Variants in NPHP4 observed in about 807,000 individuals in gnomAD.
NPHP4 encodes the protein nephrocystin 4.
In NPHP4, 151 loss-of-function variants were observed where a neutral mutation model predicts 155.8. That is an observed-to-expected ratio of 0.97 (90% CI 0.85 to 1.11). The LOEUF is 1.11. Among genes scored for constraint, NPHP4 ranks in the 50% least tolerant of loss-of-function variants. The pLI, the probability that NPHP4 is intolerant of heterozygous loss-of-function variation, is 0.00. For synonymous variants in NPHP4, 845 were observed against 816.8 expected, an observed-to-expected ratio of 1.03 and a Z score of -0.59; for missense variants, 1,956 against 1,925.7, an observed-to-expected ratio of 1.02 and a Z score of -0.29.
chr1:5,924,912 T>C (rs1399685429), intron 11 of NPHP4, among the ~76,000 whole-genome samples: 2 of 152,174 alleles, frequency 1.3e-5, no homozygotes, highest in Non-Finnish European at 2.9e-5. Flanking sequence ...TGCCTCAGCC[T>C]TCTAAAGTGC....
intron 6 of NPHP4, 76 bp from the exon 7 acceptor site, chr1:5,952,912 C>T: frequency 7.1e-7 from 1 of 1,415,440 alleles, no homozygotes; most frequent in Non-Finnish European, 9.5e-7. Context: ...GGTCCCTACC[C>T]ACCCCAGCCT....
chr1:5,923,390 AG>A (rs1193131468), intron 11 of NPHP4, among the ~76,000 whole-genome samples: 1 of 152,238 alleles, frequency 6.6e-6, no homozygotes, highest in Non-Finnish European at 1.5e-5. Flanking sequence ...AGAAGAGGGA[AG>A]GCCTACCCTG....
intron 16 of NPHP4, among the ~76,000 whole-genome samples, chr1:5,904,105 T>C (rs995434242): frequency 1.3e-5 from 2 of 152,138 alleles, no homozygotes; most frequent in Non-Finnish European, 2.9e-5. Context: ...TGTGGCTTCT[T>C]CAATAAATAC....
chr1:5,897,393 C>T (rs981604028), intron 16 of NPHP4, among the ~76,000 whole-genome samples: 3 of 152,124 alleles, frequency 2.0e-5, no homozygotes, highest in Non-Finnish European at 4.4e-5. Context: ...ACCAAGCAAC[C>T]GAATCAGCGT....
chr1:5,986,194 C>T lies in NPHP4; in HGVS notation c.96G>A (p.Gln32=), dbSNP rs776102193. 3 of 1,613,960 alleles carry T rather than the reference C, an allele frequency of 1.9e-6. No homozygotes were observed. The highest frequency in any genetic ancestry group is 2.5e-6 in the Non-Finnish European group (3 of 1,179,868). The change falls in exon 2 of 30, where the codon CAG becomes CAA. Residue 32 remains glutamine, a synonymous_variant. Coordinates refer to ENST00000378156, the MANE Select transcript of NPHP4 (RefSeq NM_015102.5). ...RQPWKESTAF[Q]CVLKWLDGPV... Reference sequence around the variant, plus strand: ...GTCCGTCCAGCCACTTGAGGACACACTGGAATGCCGTGGATTCCTTCCAAG... The same window carrying T: ...GTCCGTCCAGCCACTTGAGGACACATTGGAATGCCGTGGATTCCTTCCAAG...
At position 5,874,998 on chromosome 1, in the gene NPHP4, C is replaced by G. The variant is rs768694389; in HGVS notation, c.2920G>C (p.Ala974Pro). The change falls in exon 21 of 30, where the codon GCC becomes CCC. Residue 974 changes from alanine (A) to proline (P), a missense_variant. Coordinates refer to ENST00000378156, the MANE Select transcript of NPHP4 (RefSeq NM_015102.5). ...TGGAGCGTGTGCTCCGTGGTGATGG[C>G]CAGGCTCAGCAGGCTGGCGATGCTC... The part of the protein sequence containing the change: ...AESIASLLSL[A>P]ITTEHTLHAT... 8 of 1,612,134 alleles carry G rather than the reference C, an allele frequency of 5.0e-6. No homozygotes were observed. In the African/African-American group the frequency reaches 1.1e-4, roughly 22 times the overall value.
intron 9 of NPHP4, among the ~76,000 whole-genome samples, chr1:5,933,553 G>A (rs1362888438): frequency 1.3e-5 from 2 of 152,126 alleles, no homozygotes; most frequent in African/African-American, 2.4e-5. Flanking sequence ...TGACCCCACC[G>A]ACCCAGTCAG....
intron 29 of NPHP4, 112 bp from the exon 30 acceptor site, chr1:5,863,517 G>C: frequency 7.4e-7 from 1 of 1,357,726 alleles, no homozygotes; most frequent in African/African-American, 1.4e-5. Flanking sequence ...CAAGGCAGGG[G>C]AGCCCTGCGG....
chr1:5,879,908 C>T (rs1643082463), intron 19 of NPHP4, among the ~76,000 whole-genome samples: 1 of 151,468 alleles, frequency 6.6e-6, no homozygotes, highest in Non-Finnish European at 1.5e-5. Flanking sequence ...CACATGCAGC[C>T]TTCCACCTCT....
At chr1:5,967,629 T>C (rs1651775774) in intron 4 of NPHP4, among the ~76,000 whole-genome samples, 1 of 152,182 alleles carries the variant, frequency 6.6e-6, no homozygotes, top group South Asian at 2.1e-4. Flanking sequence ...CATGGAAATT[T>C]ACAAAACTCT....
chr1:5,949,527 G>T (rs1372152274), intron 7 of NPHP4, among the ~76,000 whole-genome samples: 1 of 152,044 alleles, frequency 6.6e-6, no homozygotes, highest in Non-Finnish European at 1.5e-5. Flanking sequence ...CACCACAGGA[G>T]ACCGACAATA....
chr1:5,876,934 T>C (rs911009466), intron 20 of NPHP4, 159 bp downstream of exon 20: 2 of 465,122 alleles, frequency 4.3e-6, no homozygotes, highest in Non-Finnish European at 7.3e-6. Flanking sequence ...CACTTAAAGA[T>C]TTCCCCCGGT....
At position 5,979,181 on chromosome 1, in the gene NPHP4, C is replaced by A. The variant is rs1298110756; in HGVS notation, c.136-768G>T. Among the ~76,000 whole-genome samples, 10 of 152,364 alleles carry A rather than the reference C, an allele frequency of 6.6e-5. No individual in the cohort carries two copies. The East Asian group carries it at 1.5e-3, about 23-fold the overall frequency. ...ACAAGAGTCCTCCACCTTTCTTTCACCTATTCACTTAGTAAACGTTACTTA... is the reference window on the plus strand; with the variant it reads ...ACAAGAGTCCTCCACCTTTCTTTCAACTATTCACTTAGTAAACGTTACTTA... On this transcript the variant is annotated intron_variant, in intron 2 of 29. Transcript: ENST00000378156.
rs1338643175 is a variant in NPHP4, at chr1:5,948,121, A to T, written c.941T>A (p.Leu314Ter). 6.2e-7 allele frequency: 1 copy of T among 1,613,908 alleles called. No homozygotes were observed. Among genetic ancestry groups the T allele is most frequent in the Non-Finnish European group, 8.5e-7 (1 of 1,179,874 alleles). ...CCTGCTGAAGCTAGCTGAGCGCGTC[A>T]AGGCCACATCCATCTCAGGCACCAG... ...VVLVPEMDVA[L>*]TRSASFSRKV... Residue 314 changes from leucine to a stop codon, truncating the protein, a stop_gained, in exon 8 of 30, where the codon TTG becomes TAG. Coordinates refer to ENST00000378156, the MANE Select transcript of NPHP4 (RefSeq NM_015102.5). LOFTEE classifies it high-confidence loss of function.
At chr1:5,887,552 C>A in intron 17 of NPHP4, 86 bp from the exon 18 acceptor site, 2 of 1,449,302 alleles carry the variant, frequency 1.4e-6, no homozygotes, top group Non-Finnish European at 1.9e-6. Flanking sequence ...GCTCCCCAGC[C>A]CAGCAGGAAA....
chr1:5,976,816 C>T (rs1270594031), intron 3 of NPHP4, among the ~76,000 whole-genome samples: 1 of 152,184 alleles, frequency 6.6e-6, no homozygotes, highest in Non-Finnish European at 1.5e-5. Flanking sequence ...AATCCAAGCG[C>T]TGGGTGATGG....
At chr1:5,931,324 A>T (rs1374306372) in intron 10 of NPHP4, among the ~76,000 whole-genome samples, 1 of 151,566 alleles carries the variant, frequency 6.6e-6, no homozygotes, top group African/African-American at 2.4e-5. Context: ...AAGTCACTGA[A>T]TTTTTTGGTT....
At chr1:5,915,862 T>C (rs564127174) in intron 11 of NPHP4, among the ~76,000 whole-genome samples, 11 of 152,262 alleles carry the variant, frequency 7.2e-5, no homozygotes, top group African/African-American at 2.6e-4. Context: ...AGCTGCTCCA[T>C]GGCCTTAGAC....
At chr1:5,911,435 CG>C (rs1213036434) in intron 11 of NPHP4, among the ~76,000 whole-genome samples, 1 of 152,178 alleles carries the variant, frequency 6.6e-6, no homozygotes, top group African/African-American at 2.4e-5. Flanking sequence ...AGCGGGCACT[CG>C]GGGGCCAGCC....
Sources: gnomAD v4.1 joint callset for allele counts (sites outside exome capture counted in the v4.1 genomes callset) on GRCh38, gnomAD v4.1.1 for gene constraint, MANE v1.5 for transcripts, NCBI Gene and HGNC (gene_info 2026-07-23, HGNC 2026-07-21) for gene names.